The following CFAP52 variants were observed in gnomAD, a reference collection of about 807,000 sequenced individuals.
CFAP52 encodes cilia- and flagella-associated protein 52.
CFAP52 carries 57 observed loss-of-function variants against 70.5 expected under a neutral mutation model. The observed-to-expected ratio is 0.81, with a 90% CI of 0.65 to 1.01. The LOEUF (loss-of-function observed/expected upper bound fraction) is 1.01, where lower values mean the gene tolerates loss of function less well. Among genes scored for constraint, CFAP52 ranks in the 50% least tolerant of loss-of-function variants. The probability of loss-of-function intolerance (pLI) is 0.00; values close to 1 mark genes in which losing one functional copy is unlikely to be tolerated. For synonymous variants in CFAP52, 267 were observed against 292.5 expected (o/e 0.91, Z 0.89); for missense variants, 785 against 788.5 (o/e 1.00, Z 0.05).
intron 9 of CFAP52, among the ~76,000 whole-genome samples, chr17:9,632,462 C>A (rs554714261): frequency 6.6e-6 from 1 of 152,174 alleles, no homozygotes; most frequent in African/African-American, 2.4e-5. Context: ...CTGATCCCTG[C>A]ATAAATAAGT....
chr17:9,644,846 T>C (rs1911251039), downstream of CFAP52: 1 of 152,200 alleles, frequency 6.6e-6, no homozygotes, highest in South Asian at 2.1e-4. Flanking sequence ...TACGTTGCGA[T>C]AACCTCTCTG....
intron 3 of CFAP52, among the ~76,000 whole-genome samples, chr17:9,589,505 G>C (rs1421619815): frequency 6.6e-6 from 1 of 152,156 alleles, no homozygotes; most frequent in Non-Finnish European, 1.5e-5. Context: ...GGCCGAGGCA[G>C]GTGGATTACC....
At chr17:9,584,490 CAT>C in intron 1 of CFAP52, 1 of 573,510 alleles carries the variant, frequency 1.7e-6, no homozygotes, top group East Asian at 1.0e-4. Flanking sequence ...TGTTGATAGA[CAT>C]ATACATTGTG....
rs56157011 is a variant in CFAP52 at position 9,605,694 on chromosome 17, G to GA, written c.754-2396dup. Among the ~76,000 whole-genome samples the GA allele has an allele frequency of 2.8e-3, 159 of 56,962 alleles. 10 individuals are homozygous for GA. Among genetic ancestry groups the GA allele is most frequent in the African/African-American group, 9.9e-3 (152 of 15,368 alleles). 37.4% of individuals were successfully genotyped at this position (56,962 alleles called of 152,430 possible). A position where few individuals can be genotyped will look rare whatever the true frequency, so the allele number is the denominator to read the frequency against. The stretch of plus-strand genomic sequence containing the variant: ...CTGGCGACAGAGTGAGACTCCATCT[G>GA]AAAAAAAAAAAAAAAAAAAAAAAAA... On this transcript the variant is annotated intron_variant, in intron 6 of 13. Coordinates refer to ENST00000352665, the MANE Select transcript of CFAP52 (RefSeq NM_145054.5).
intron 8 of CFAP52, among the ~76,000 whole-genome samples, chr17:9,627,522 G>GAATA (rs1196649544): frequency 2.6e-5 from 4 of 151,778 alleles, no homozygotes; most frequent in East Asian, 1.9e-4. Context: ...ATAAATAAAT[G>GAATA]AATAAATAAA....
chr17:9,582,762 A>T (rs1278541709), intron 1 of CFAP52, among the ~76,000 whole-genome samples: 1 of 152,130 alleles, frequency 6.6e-6, no homozygotes, highest in East Asian at 1.9e-4. Context: ...TCAGCCTCTC[A>T]AGTAGCTGGG....
At chr17:9,608,450 T>C (rs1909591053) in intron 7 of CFAP52, among the ~76,000 whole-genome samples, 1 of 152,220 alleles carries the variant, frequency 6.6e-6, no homozygotes. Context: ...AGAGGGACAC[T>C]GCCCATTTAA....
chr17:9,637,046 A>G (rs1025147867), intron 11 of CFAP52, among the ~76,000 whole-genome samples: 6 of 152,156 alleles, frequency 3.9e-5, no homozygotes, highest in Non-Finnish European at 5.9e-5. Flanking sequence ...CTTCGTATCA[A>G]AAAAGCAAAC....
At chr17:9,628,925 C>T in intron 9 of CFAP52, 105 bp downstream of exon 9, 6 of 1,495,884 alleles carry the variant, frequency 4.0e-6, no homozygotes, top group Non-Finnish European at 4.6e-6. Flanking sequence ...CTAGAACAGC[C>T]TCCCACTGTC....
rs538266140 is a variant in CFAP52, at chr17:9,615,386, T to C, written c.1025+2907T>C. ...AGTGTATTGTCTTTTTTCAACTCTT[T>C]ATTTTCAACCTATTAGTGTTTAGTT... On this transcript the variant is annotated intron_variant, in intron 8 of 13. Coordinates refer to ENST00000352665, the MANE Select transcript of CFAP52 (RefSeq NM_145054.5). Among the ~76,000 whole-genome samples, 6 of 152,306 alleles carry C rather than the reference T, an allele frequency of 3.9e-5. No homozygotes were observed. The East Asian group carries it at 1.2e-3, about 29-fold the overall frequency.
intron 8 of CFAP52, among the ~76,000 whole-genome samples, chr17:9,623,092 C>T (rs890858762): frequency 6.6e-5 from 10 of 152,090 alleles, no homozygotes; most frequent in Admixed American, 1.3e-4. Flanking sequence ...TTATTTCTCA[C>T]AGTTTTTGTT....
chr17:9,640,629 T>G (rs1187934143), intron 12 of CFAP52, among the ~76,000 whole-genome samples: 2 of 152,118 alleles, frequency 1.3e-5, no homozygotes, highest in African/African-American at 4.8e-5. Flanking sequence ...CCACATTTTC[T>G]TAAGTTTATT....
At chr17:9,642,883 G>C in intron 13 of CFAP52, 140 bp from the exon 14 acceptor site, 4 of 756,944 alleles carry the variant, frequency 5.3e-6, no homozygotes, top group Non-Finnish European at 7.7e-6. Context: ...GCAACAGATA[G>C]ATTTTTATAA....
chr17:9,640,642 GT>G (rs540134275), intron 12 of CFAP52, among the ~76,000 whole-genome samples: 49 of 151,694 alleles, frequency 3.2e-4, no homozygotes, highest in African/African-American at 1.1e-3. Flanking sequence ...AGTTTATTCT[GT>G]TTTTTTTGGA....
intron 1 of CFAP52, among the ~76,000 whole-genome samples, chr17:9,581,745 C>A (rs1255975066): frequency 1.3e-5 from 2 of 152,190 alleles, no homozygotes; most frequent in Non-Finnish European, 2.9e-5. Flanking sequence ...GGTTCTATTG[C>A]TTTAGTGAGA....
intron 8 of CFAP52, among the ~76,000 whole-genome samples, chr17:9,627,276 G>A (rs1260131925): frequency 2.6e-5 from 4 of 151,994 alleles, no homozygotes; most frequent in African/African-American, 4.8e-5. Flanking sequence ...TTGGGAGGCC[G>A]ATGTGGGTGG....
At chr17:9,593,836 G>T (rs1260097252) in intron 3 of CFAP52, among the ~76,000 whole-genome samples, 1 of 151,954 alleles carries the variant, frequency 6.6e-6, no homozygotes, top group Non-Finnish European at 1.5e-5. Flanking sequence ...ATGGTGGTGT[G>T]CGTCTGTAGT....
intron 1 of CFAP52, among the ~76,000 whole-genome samples, chr17:9,584,543 A>C (rs940918554): frequency 2.6e-5 from 4 of 152,252 alleles, no homozygotes; most frequent in African/African-American, 9.6e-5. Context: ...TATTCACTTC[A>C]CATAGTTACT....
At chr17:9,640,321 G>A (rs1293434969) in intron 12 of CFAP52, among the ~76,000 whole-genome samples, 2 of 149,410 alleles carry the variant, frequency 1.3e-5, no homozygotes, top group African/African-American at 4.9e-5. Flanking sequence ...GTGGTTTGCT[G>A]TACGGATCAT....
Sources: gnomAD v4.1 joint callset for allele counts (sites outside exome capture counted in the v4.1 genomes callset) on GRCh38, gnomAD v4.1.1 for gene constraint, MANE v1.5 for transcripts, NCBI Gene and HGNC (gene_info 2026-07-23, HGNC 2026-07-21) for gene names.